Variants in PCDHGA2 observed in about 807,000 individuals in gnomAD.
The protein encoded by PCDHGA2 is protocadherin gamma-A2.
PCDHGA2 carries 40 observed loss-of-function variants against 59.2 expected under a neutral mutation model. That is an observed-to-expected ratio of 0.68 (90% CI 0.52 to 0.88). The LOEUF (loss-of-function observed/expected upper bound fraction) is 0.88. Among genes scored for constraint, PCDHGA2 ranks in the 40% least tolerant of loss-of-function variants. The pLI, the probability that PCDHGA2 is intolerant of heterozygous loss-of-function variation, is 0.00. For synonymous variants in PCDHGA2, 560 were observed against 526.0 expected (o/e 1.06, Z -0.89); for missense variants, 1,226 against 1,204.0 (o/e 1.02, Z -0.27).
chr5:141,351,207 A>G, intron 1 of PCDHGA2: 2 of 1,614,036 alleles, frequency 1.2e-6, no homozygotes, highest in Non-Finnish European at 1.7e-6. Flanking sequence ...TTGAGTGTGG[A>G]AGCTAAGGAT....
intron 1 of PCDHGA2, chr5:141,382,731 A>C: frequency 3.6e-6 from 2 of 554,530 alleles, no homozygotes; most frequent in Non-Finnish European, 6.1e-6. Context: ...TTTACAGCAC[A>C]GAGAAACGAC....
intron 1 of PCDHGA2, among the ~76,000 whole-genome samples, chr5:141,373,062 C>T (rs898228375): frequency 1.3e-5 from 2 of 152,140 alleles, no homozygotes; most frequent in African/African-American, 4.8e-5. Flanking sequence ...TAATCTGAAA[C>T]ATTTTTAATA....
Position 141,339,223 on chromosome 5 carries a change from G to T in PCDHGA2, c.252G>T (p.Leu84Phe), listed in dbSNP as rs1409582247. 6.2e-7 allele frequency: 1 copy of T among 1,614,054 alleles called. No homozygotes were observed. The highest frequency in any genetic ancestry group is 8.5e-7 in the Non-Finnish European group (1 of 1,180,002). The change falls in exon 1 of 4, where the codon TTG (leucine) becomes TTT (phenylalanine). Residue 84 changes from leucine (L) to phenylalanine (F), a missense_variant. Leu to Phe is a conservative substitution (Grantham distance 22). Transcript: ENST00000394576. ...CTCTGAACCCGCGAAGCGGCAGCTT[G>T]GTCACTGCGAACAGGATAGACCGGG... ...LFALNPRSGS[L>F]VTANRIDREE...
intron 1 of PCDHGA2, chr5:141,423,261 C>T (rs1181343306): frequency 6.2e-7 from 1 of 1,613,870 alleles, no homozygotes; most frequent in Non-Finnish European, 8.5e-7. Flanking sequence ...ACCTCGGCAG[C>T]CTCGAGTCTC....
chr5:141,358,696 T>C (rs1009340970), intron 1 of PCDHGA2, among the ~76,000 whole-genome samples: 8 of 152,236 alleles, frequency 5.3e-5, no homozygotes, highest in African/African-American at 1.9e-4. Context: ...GACATCACTA[T>C]TGAGACTTTC....
At chr5:141,430,313 G>A (rs1018901791) in intron 1 of PCDHGA2, among the ~76,000 whole-genome samples, 1 of 150,204 alleles carries the variant, frequency 6.7e-6, no homozygotes, top group South Asian at 2.1e-4. Context: ...AACATTATAA[G>A]ATTAAAATCA....
chr5:141,364,535 A>G (rs1404696563), intron 1 of PCDHGA2: 2 of 1,614,100 alleles, frequency 1.2e-6, no homozygotes, highest in Admixed American at 3.3e-5. Context: ...CATCGTCTCC[A>G]GAGGTAGGAC....
At chr5:141,418,307 A>C (rs372854408) in intron 1 of PCDHGA2, 24 of 1,613,982 alleles carry the variant, frequency 1.5e-5, no homozygotes, top group Non-Finnish European at 2.0e-5. Context: ...CAGCCTGGGG[A>C]TGGGAACAAT....
intron 1 of PCDHGA2, chr5:141,365,409 G>A (rs1588612926): frequency 1.2e-6 from 2 of 1,613,994 alleles, no homozygotes; most frequent in Non-Finnish European, 1.7e-6. Flanking sequence ...TCTGAAGACT[G>A]TCTTCCCGGA....
intron 1 of PCDHGA2, chr5:141,415,563 T>G: frequency 1.2e-6 from 2 of 1,614,168 alleles, no homozygotes; most frequent in Non-Finnish European, 1.7e-6. Flanking sequence ...ATCCTTTGTC[T>G]TTGTTAGATG....
intron 1 of PCDHGA2, chr5:141,440,652 C>T (rs755275974): frequency 6.6e-6 from 1 of 152,160 alleles, no homozygotes; most frequent in Non-Finnish European, 1.5e-5. Flanking sequence ...AAAATTATCA[C>T]CTTAGCAGCA....
At chr5:141,376,675 C>CTTT in intron 1 of PCDHGA2, 7 of 345,068 alleles carry the variant, frequency 2.0e-5, no homozygotes, top group Admixed American at 4.8e-5. Context: ...GTGAGGGTAT[C>CTTT]GTTTTTTTTT....
intron 1 of PCDHGA2, chr5:141,364,932 A>G (rs1447586286): frequency 6.2e-7 from 1 of 1,613,886 alleles, no homozygotes. Context: ...CAGCCCCTAG[A>G]CCGCGAGAAA....
At chr5:141,355,142 C>A in intron 1 of PCDHGA2, 2 of 1,526,256 alleles carry the variant, frequency 1.3e-6, no homozygotes, top group Middle Eastern at 2.5e-4. Context: ...GATCCTGGGG[C>A]TCCTCAGGCC....
At chr5:141,419,302 C>T in intron 1 of PCDHGA2, 1 of 1,614,024 alleles carries the variant, frequency 6.2e-7, no homozygotes, top group East Asian at 2.2e-5. Context: ...ACCCAGACTT[C>T]GGGCTCAACG....
intron 1 of PCDHGA2, chr5:141,395,733 T>C (rs567626582): frequency 5.9e-5 from 9 of 153,748 alleles, no homozygotes; most frequent in African/African-American, 2.2e-4. Context: ...TTTCTTCACT[T>C]TAAACCTCTT....
chr5:141,384,636 C>T (rs760530136), intron 1 of PCDHGA2: 4 of 1,614,202 alleles, frequency 2.5e-6, no homozygotes, highest in South Asian at 1.1e-5. Flanking sequence ...AGCTGGCACC[C>T]CGCTCCGCAG....
chr5:141,428,729 ATAT>A (rs2097158318), intron 1 of PCDHGA2: 2 of 159,768 alleles, frequency 1.3e-5, no homozygotes. Flanking sequence ...AATCTTAAAC[ATAT>A]TATATCTACT....
At chr5:141,492,447 T>G (rs920078908) in intron 1 of PCDHGA2, among the ~76,000 whole-genome samples, 13 of 152,300 alleles carry the variant, frequency 8.5e-5, no homozygotes, top group Middle Eastern at 3.4e-3. Context: ...CGTAGCTGAT[T>G]GTGCGCGCCT....
Sources: allele counts gnomAD v4.1 joint callset (sites outside exome capture counted in the v4.1 genomes callset), GRCh38; gene constraint gnomAD v4.1.1; transcripts MANE v1.5; gene names NCBI Gene and HGNC (gene_info 2026-07-23, HGNC 2026-07-21).